Variants in PDZD2 observed in about 807,000 individuals in gnomAD.
The protein encoded by PDZD2 is PDZ domain containing 2.
A neutral mutation model predicts 220.7 loss-of-function variants in PDZD2; 90 were observed. That is an observed-to-expected ratio of 0.41 (90% CI 0.34 to 0.49). PDZD2 has a LOEUF of 0.49. Among genes scored for constraint, PDZD2 ranks in the 20% least tolerant of loss-of-function variants. PDZD2 has a pLI of 0.28. For missense variants in PDZD2, 3,174 were observed against 3,608.5 expected, an observed-to-expected ratio of 0.88 and a Z score of 3.08; for synonymous variants, 1,375 against 1,450.5, an observed-to-expected ratio of 0.95 and a Z score of 1.18.
In PDZD2 at chr5:32,087,156, C is replaced by T; in HGVS notation, c.3708C>T (p.Ile1236=). ...MTELDSSSDL[I]SSPGKKGAAH... ...AACTGGACAGCTCCTCAGACCTCAT[C>T]TCTTCCCCAGGGAAGAAGGGGGCCG... Residue 1236 remains isoleucine, a synonymous_variant, in exon 20 of 25, where the codon ATC becomes ATT. Transcript: ENST00000438447. This position sits in a 1 kb window ranked among gnomAD's most constrained non-coding sequence, Gnocchi z 4.0. 6.2e-7 allele frequency: 1 copy of T among 1,610,662 alleles called. No homozygotes were observed. The highest frequency in any genetic ancestry group is 8.5e-7 in the Non-Finnish European group (1 of 1,176,970).
chr5:32,091,193 A>G lies in PDZD2; in HGVS notation c.7727+18A>G, dbSNP rs1157222431. On this transcript the variant is annotated intron_variant, in intron 20 of 24. Coordinates refer to ENST00000438447, the MANE Select transcript of PDZD2 (RefSeq NM_178140.4). ...TCAGTTAAGTAAGTATCTGCCCACT[A>G]CTTTTATTTCAGATAAACTTGTTTC... is the stretch of plus-strand genomic sequence containing the variant. 6.7e-7 allele frequency: 1 copy of G among 1,499,032 alleles called. No homozygotes were observed. The highest frequency in any genetic ancestry group is 2.2e-5 in the Admixed American group (1 of 44,590). The allele number at this position is 1,499,032 out of a possible 1,614,324, so 92.9% of individuals were successfully genotyped here.
At chr5:32,046,582 A>G (rs1411143245) in intron 7 of PDZD2, among the ~76,000 whole-genome samples, 1 of 152,194 alleles carries the variant, frequency 6.6e-6, no homozygotes, top group Non-Finnish European at 1.5e-5. Flanking sequence ...AGAACACAAA[A>G]TTTTAAACCA....
intron 1 of PDZD2, among the ~76,000 whole-genome samples, chr5:31,761,860 C>CAA (rs112422855): frequency 2.9e-3 from 372 of 126,538 alleles, no homozygotes; most frequent in African/African-American, 5.9e-3. Flanking sequence ...AACTACATCT[C>CAA]AAAAAAAAAA....
chr5:31,691,604 C>A lies in PDZD2; in HGVS notation c.-361+52167C>A, dbSNP rs141053384. On this transcript the variant is annotated intron_variant, in intron 1 of 24. Transcript: ENST00000438447. ...TTATCTGGCGCCACCTGCTTTTATTCTCTTATCTGGCCCCTGCTGATTGGT... is the reference window on the plus strand; with the variant it reads ...TTATCTGGCGCCACCTGCTTTTATTATCTTATCTGGCCCCTGCTGATTGGT... 4.0e-3 allele frequency among the ~76,000 whole-genome samples: 594 copies of A among 147,676 alleles called. 2 individuals are homozygous for A. The highest frequency in any genetic ancestry group is 0.016 in the South Asian group (69 of 4,300).
At chr5:31,721,516 CTTT>C (rs752973527) in intron 1 of PDZD2, among the ~76,000 whole-genome samples, 3 of 120,326 alleles carry the variant, frequency 2.5e-5, no homozygotes, top group South Asian at 2.7e-4. Flanking sequence ...ATAACTGCCT[CTTT>C]TTTTTTTTTT....
chr5:31,949,704 GCT>G (rs1747007819), intron 2 of PDZD2, among the ~76,000 whole-genome samples: 3 of 134,132 alleles, frequency 2.2e-5, no homozygotes, highest in Non-Finnish European at 4.6e-5. Flanking sequence ...ACGGAATCTT[GCT>G]CTGTCGCTCA....
rs748788536 is a variant in PDZD2 at position 32,107,965 on chromosome 5, G to T, written c.8354-4G>T. 1.9e-6 allele frequency: 3 copies of T among 1,608,464 alleles called. No homozygotes were observed. Among genetic ancestry groups the T allele is most frequent in the Non-Finnish European group, 2.6e-6 (3 of 1,175,904 alleles). On this transcript the variant is annotated splice_region_variant and splice_polypyrimidine_tract_variant and intron_variant, in intron 24 of 24. Coordinates refer to ENST00000438447, the MANE Select transcript of PDZD2 (RefSeq NM_178140.4). ...TATTAATTATTCTGTGTTTATTCTC[G>T]TAGGTGGTGCGGCTGAACAAGCTGG...
At position 31,983,612 on chromosome 5, in the gene PDZD2, A is replaced by G; in HGVS notation, c.934A>G (p.Lys312Glu). The change falls in exon 3 of 25, where the codon AAA (lysine) becomes GAA (glutamate). Residue 312 changes from lysine (K) to glutamate (E), a missense_variant. Physicochemically the swap from Lys to Glu is moderately conservative, Grantham distance 56 (BLOSUM62 1). Transcript: ENST00000438447. ...TTSNDKRRFS[K>E]GGKTDFQSSD... ...AAGCAATGACAAACGCCGCTTCTCAAAAGGTGGGAAGACGGACTTCCAATC... is the reference window on the plus strand; with the variant it reads ...AAGCAATGACAAACGCCGCTTCTCAGAAGGTGGGAAGACGGACTTCCAATC... 4 of 1,614,202 alleles carry G rather than the reference A, an allele frequency of 2.5e-6. No homozygotes were observed. Among genetic ancestry groups the G allele is most frequent in the Non-Finnish European group, 3.4e-6 (4 of 1,180,022 alleles).
At chr5:31,667,235 CAAAAAAAAAAAAA>C in intron 1 of PDZD2, among the ~76,000 whole-genome samples, 7 of 52,854 alleles carry the variant, frequency 1.3e-4, no homozygotes, top group African/African-American at 5.8e-4. Context: ...GACTCCGTCT[CAAAAAAAAAAAAA>C]AAAAAAAAAG....
intron 2 of PDZD2, among the ~76,000 whole-genome samples, chr5:31,973,489 C>G (rs1749486099): frequency 6.6e-6 from 1 of 152,182 alleles, no homozygotes; most frequent in South Asian, 2.1e-4. Context: ...AGAAAAAGAA[C>G]TACCTCTGCT....
chr5:32,073,963 C>A lies in PDZD2; in HGVS notation c.2857C>A (p.Arg953=), dbSNP rs751815331. The change falls in exon 18 of 25, where the codon CGA becomes AGA. Residue 953 remains arginine, a synonymous_variant. Transcript: ENST00000438447. ...TCTCCCCGGAAGCCCACAGGCCCTC[C>A]GAAACCCTCTCCTCCGCCAGAGGAA... is the stretch of plus-strand genomic sequence containing the variant. ...ASLPGSPQAL[R]NPLLRQRKVG... is the part of the protein sequence containing the mutation. 6.2e-7 allele frequency: 1 copy of A among 1,614,146 alleles called. No homozygotes were observed. Among genetic ancestry groups the A allele is most frequent in the South Asian group, 1.1e-5 (1 of 91,074 alleles).
At chr5:31,953,660 A>AATT (rs59213187) in intron 2 of PDZD2, among the ~76,000 whole-genome samples, 45,854 of 138,450 alleles carry the variant, frequency 0.33, 7,856 homozygotes, top group East Asian at 0.62. Context: ...TAAAAAAAAA[A>AATT]TTTTTTTTTT....
At chr5:31,804,441 C>A (rs1424490081) in intron 2 of PDZD2, among the ~76,000 whole-genome samples, 2 of 152,180 alleles carry the variant, frequency 1.3e-5, no homozygotes, top group Admixed American at 6.5e-5. Context: ...ACAAGAAGTA[C>A]CATTTATTGA....
chr5:31,858,433 T>C (rs931205843), intron 2 of PDZD2, among the ~76,000 whole-genome samples: 1 of 152,252 alleles, frequency 6.6e-6, no homozygotes, highest in African/African-American at 2.4e-5. Flanking sequence ...TCCATCTTGC[T>C]TCTAACCTCC....
intron 1 of PDZD2, chr5:31,742,331 G>A (rs181104312): frequency 2.4e-4 from 37 of 151,824 alleles, no homozygotes; most frequent in African/African-American, 8.7e-4. Context: ...TTGCACAGTG[G>A]TTACTTTTTA....
chr5:31,983,339 G>A lies in PDZD2; in HGVS notation c.661G>A (p.Val221Ile). 6.2e-7 allele frequency: 1 copy of A among 1,614,214 alleles called. No homozygotes were observed. The highest frequency in any genetic ancestry group is 8.5e-7 in the Non-Finnish European group (1 of 1,180,042). Reference protein sequence around the residue: ...KKGKRTRKFGVISRPPANKAP... With the variant: ...KKGKRTRKFGIISRPPANKAP... ...GGGGAAACGAACCAGAAAGTTTGGG[G>A]TCATCTCCAGGCCTCCTGCCAACAA... Residue 221 changes from valine to isoleucine, a missense_variant, in exon 3 of 25, where the codon GTC becomes ATC. Val to Ile is a conservative substitution (Grantham distance 29). Coordinates refer to ENST00000438447, the MANE Select transcript of PDZD2 (RefSeq NM_178140.4).
chr5:31,951,037 G>C (rs1747131020), intron 2 of PDZD2, among the ~76,000 whole-genome samples: 1 of 151,976 alleles, frequency 6.6e-6, no homozygotes, highest in Admixed American at 6.6e-5. Context: ...ATGGTGGAAG[G>C]GGCAGATAAG....
intron 1 of PDZD2, among the ~76,000 whole-genome samples, chr5:31,773,681 C>A (rs549112154): frequency 1.3e-5 from 2 of 151,948 alleles, no homozygotes; most frequent in Non-Finnish European, 2.9e-5. Context: ...ATTGATTTAT[C>A]TACCTAGAAA....
At chr5:31,991,402 G>A (rs1043656094) in intron 3 of PDZD2, among the ~76,000 whole-genome samples, 2 of 152,162 alleles carry the variant, frequency 1.3e-5, no homozygotes, top group South Asian at 2.1e-4. Flanking sequence ...GATGGTGCTC[G>A]TGGTTCAGAT....
Sources: gnomAD v4.1 joint callset for allele counts (sites outside exome capture counted in the v4.1 genomes callset) on GRCh38, gnomAD v4.1.1 for gene constraint, Gnocchi (gnomAD v3.1) non-coding constraint, MANE v1.5 for transcripts, NCBI Gene and HGNC (gene_info 2026-07-23, HGNC 2026-07-21) for gene names.